UNC80: variants seen among roughly 807,000 people sequenced by gnomAD.
UNC80 encodes protein unc-80 homolog.
Under a neutral mutation model 384.6 loss-of-function variants are expected in UNC80, and 164 were observed. The observed-to-expected ratio is 0.43, with a 90% confidence interval of 0.38 to 0.49. The LOEUF (loss-of-function observed/expected upper bound fraction) is 0.49. Ranked by LOEUF, UNC80 falls within the 20% of genes least tolerant of loss-of-function variation. The probability of loss-of-function intolerance (pLI) is 0.00; values close to 1 mark genes in which losing one functional copy is unlikely to be tolerated. For synonymous variants in UNC80, 1,486 were observed against 1,527.8 expected (o/e 0.97, Z 0.64); for missense variants, 3,330 against 4,143.0 (o/e 0.80, Z 5.39).
Position 209,912,476 on chromosome 2 carries a change from G to A in UNC80, c.4783-84G>A, listed in dbSNP as rs116492574. ...TTATCGCTTCCACTAGAAGATGGTT[G>A]CCTGGAGAATTGCGGGGACATATAG... On this transcript the variant is annotated intron_variant, in intron 29 of 64. Transcript: ENST00000673920. 2,031 of 769,830 alleles carry A rather than the reference G, an allele frequency of 2.6e-3. 35 individuals carry two copies. The African/African-American group carries it at 0.034, about 13-fold the overall frequency. The allele number at this position is 769,830 out of a possible 1,614,324, so 47.7% of individuals were successfully genotyped here.
At chr2:209,968,909 G>A (rs2092806676) in intron 52 of UNC80, 1 of 152,146 alleles carries the variant, frequency 6.6e-6, no homozygotes, top group South Asian at 2.1e-4. Context: ...TTCATTAGGT[G>A]ATCTCAGTTC....
At chr2:209,850,813 C>T (rs2082476846) in intron 22 of UNC80, among the ~76,000 whole-genome samples, 2 of 151,838 alleles carry the variant, frequency 1.3e-5, no homozygotes, top group Admixed American at 1.3e-4. Context: ...GGGTTTGTGG[C>T]AATTAAACAA....
chr2:209,833,276 CAAAAAAAAAA>C (rs554565630), intron 16 of UNC80, among the ~76,000 whole-genome samples: 1 of 97,374 alleles, frequency 1.0e-5, no homozygotes, highest in Admixed American at 1.1e-4. Context: ...TTTCCTAAGG[CAAAAAAAAAA>C]AAAAAAAAAA....
At chr2:209,959,790 G>T in intron 51 of UNC80, 83 bp downstream of exon 51, 1 of 1,281,490 alleles carries the variant, frequency 7.8e-7, no homozygotes, top group Non-Finnish European at 1.1e-6. Flanking sequence ...TGAGAGTGGG[G>T]GTTCTCCAGG....
chr2:209,838,156 T>C (rs561331515), intron 18 of UNC80, among the ~76,000 whole-genome samples: 3 of 152,154 alleles, frequency 2.0e-5, no homozygotes, highest in East Asian at 1.9e-4. Context: ...GGCGGTGATA[T>C]AAGCTTTGGA....
At chr2:209,896,965 A>G (rs2086859454) in intron 28 of UNC80, among the ~76,000 whole-genome samples, 1 of 152,086 alleles carries the variant, frequency 6.6e-6, no homozygotes, top group Non-Finnish European at 1.5e-5. Flanking sequence ...AGGTAAGGGA[A>G]TGTAACCTCA....
Position 209,825,894 on chromosome 2 carries a change from T to C in UNC80, c.2332-13T>C. ...AAACAGACTTTTCTTTCTTTCTCAT[T>C]CGTGGGTACCAGGATGAAAGTACAC... On this transcript the variant is annotated splice_polypyrimidine_tract_variant and intron_variant, in intron 13 of 64. Coordinates refer to ENST00000673920, the MANE Select transcript of UNC80 (RefSeq NM_001371986.1). 1 of 1,520,554 alleles carries C rather than the reference T, an allele frequency of 6.6e-7. No individual in the cohort carries two copies. Among genetic ancestry groups the C allele is most frequent in the Non-Finnish European group, 8.8e-7 (1 of 1,135,304 alleles). 94.2% of individuals were successfully genotyped at this position (1,520,554 alleles called of 1,614,324 possible).
intron 48 of UNC80, among the ~76,000 whole-genome samples, chr2:209,954,980 T>C (rs1344152492): frequency 1.3e-5 from 2 of 152,140 alleles, no homozygotes; most frequent in East Asian, 3.9e-4. Context: ...CAGGGAGCCC[T>C]GGATGAGACA....
intron 7 of UNC80, among the ~76,000 whole-genome samples, chr2:209,805,112 C>T (rs1025095708): frequency 6.6e-6 from 1 of 152,164 alleles, no homozygotes; most frequent in Non-Finnish European, 1.5e-5. Context: ...TAACTTTTCT[C>T]CCTCAACTTA....
chr2:209,917,996 A>T, intron 32 of UNC80, 38 bp downstream of exon 32: 1 of 1,543,016 alleles, frequency 6.5e-7, no homozygotes, highest in South Asian at 1.2e-5. Flanking sequence ...ACATTAGCAA[A>T]CCCAACCCAA....
intron 7 of UNC80, among the ~76,000 whole-genome samples, chr2:209,797,017 T>A (rs2078206579): frequency 6.6e-6 from 1 of 152,194 alleles, no homozygotes; most frequent in African/African-American, 2.4e-5. Flanking sequence ...TAATATACTT[T>A]TTATTTCTAT....
At chr2:209,866,792 A>G (rs900709515) in intron 22 of UNC80, among the ~76,000 whole-genome samples, 1 of 152,158 alleles carries the variant, frequency 6.6e-6, no homozygotes, top group African/African-American at 2.4e-5. Flanking sequence ...ACTCACATTT[A>G]TCTTTAAATG....
chr2:209,891,277 A>AT (rs2086300255), intron 26 of UNC80, among the ~76,000 whole-genome samples: 2 of 152,166 alleles, frequency 1.3e-5, no homozygotes, highest in Admixed American at 1.3e-4. Context: ...AAAAGAGGCC[A>AT]TGTTGCAGGA....
chr2:209,777,886 A>AACATGAGGGACTGTTGGTC (rs1303215023), intron 4 of UNC80, among the ~76,000 whole-genome samples: 1 of 152,128 alleles, frequency 6.6e-6, no homozygotes, highest in Non-Finnish European at 1.5e-5. Flanking sequence ...CCTACTGGCC[A>AACATGAGGGACTGTTGGTC]CCTCATGATC....
intron 7 of UNC80, among the ~76,000 whole-genome samples, chr2:209,799,717 CA>C (rs1227515431): frequency 2.6e-5 from 4 of 152,186 alleles, no homozygotes; most frequent in African/African-American, 9.6e-5. Context: ...TTGTCATAAA[CA>C]GCTCTTATTA....
At chr2:209,953,463 T>C (rs2092283357) in intron 47 of UNC80, among the ~76,000 whole-genome samples, 1 of 148,500 alleles carries the variant, frequency 6.7e-6, no homozygotes, top group African/African-American at 2.5e-5. Context: ...GGTGGTGTTA[T>C]ACACTTACAA....
chr2:209,779,473 A>G (rs564758941), intron 4 of UNC80, among the ~76,000 whole-genome samples: 2 of 147,388 alleles, frequency 1.4e-5, no homozygotes, highest in South Asian at 2.2e-4. Flanking sequence ...CTAGCATGCT[A>G]TCCTACATTT....
chr2:209,865,890 G>C (rs1392200276), intron 22 of UNC80, among the ~76,000 whole-genome samples: 1 of 152,060 alleles, frequency 6.6e-6, no homozygotes, highest in Non-Finnish European at 1.5e-5. Flanking sequence ...AGATACTTTT[G>C]CTAGAATTGT....
At chr2:209,802,149 GA>G (rs2078602505) in intron 7 of UNC80, among the ~76,000 whole-genome samples, 1 of 152,170 alleles carries the variant, frequency 6.6e-6, no homozygotes, top group Admixed American at 6.5e-5. Context: ...GAAGCTGGGA[GA>G]GGGGGATGGA....
Sources: allele counts gnomAD v4.1 joint callset (sites outside exome capture counted in the v4.1 genomes callset), GRCh38; gene constraint gnomAD v4.1.1; transcripts MANE v1.5; gene names NCBI Gene and HGNC (gene_info 2026-07-23, HGNC 2026-07-21).